SLC35F1: variants seen among roughly 807,000 people sequenced by gnomAD.
SLC35F1 encodes the protein solute carrier family 35 member F1.
SLC35F1 carries 14 observed loss-of-function variants against 48.7 expected under a neutral mutation model. The observed-to-expected ratio is 0.29, with a 90% CI of 0.19 to 0.45. SLC35F1 has a LOEUF of 0.45. Ranked by LOEUF, SLC35F1 falls within the 20% of genes least tolerant of loss-of-function variation. SLC35F1 has a pLI of 1.00. For missense variants in SLC35F1, 404 were observed against 500.0 expected (o/e 0.81, Z 1.83); for synonymous variants, 190 against 202.2 (o/e 0.94, Z 0.51).
intron 1 of SLC35F1, among the ~76,000 whole-genome samples, chr6:118,117,936 T>G (rs1773495973): frequency 6.6e-6 from 1 of 152,212 alleles, no homozygotes; most frequent in African/African-American, 2.4e-5. Flanking sequence ...TGCTGAGTAG[T>G]GTTTCATGAT....
intron 3 of SLC35F1, among the ~76,000 whole-genome samples, chr6:118,245,981 A>G (rs954280930): frequency 1.3e-5 from 2 of 152,136 alleles, no homozygotes; most frequent in Admixed American, 1.3e-4. Flanking sequence ...CAATCAGTGG[A>G]TGAGAGGGAG....
intron 2 of SLC35F1, among the ~76,000 whole-genome samples, chr6:118,204,019 G>T (rs948386407): frequency 6.6e-6 from 1 of 151,696 alleles, no homozygotes; most frequent in African/African-American, 2.4e-5. Context: ...AATAAACTAG[G>T]AGGTAATATA....
intron 1 of SLC35F1, among the ~76,000 whole-genome samples, chr6:117,910,091 A>G (rs1446542146): frequency 6.6e-6 from 1 of 152,272 alleles, no homozygotes; most frequent in East Asian, 1.9e-4. Flanking sequence ...CATTTTTAGT[A>G]AGGAGACTGA....
chr6:117,949,060 G>A (rs564345046), intron 1 of SLC35F1, among the ~76,000 whole-genome samples: 25 of 152,198 alleles, frequency 1.6e-4, no homozygotes, highest in Non-Finnish European at 3.2e-4. Context: ...TGCTTTTTGT[G>A]TATTTACCCA....
At chr6:117,943,476 A>C (rs1776257897) in intron 1 of SLC35F1, among the ~76,000 whole-genome samples, 1 of 152,220 alleles carries the variant, frequency 6.6e-6, no homozygotes, top group African/African-American at 2.4e-5. Flanking sequence ...GAAATTGAAC[A>C]GTTGTTTTAA....
chr6:118,257,407 C>G (rs1002909574), intron 3 of SLC35F1, among the ~76,000 whole-genome samples: 2 of 152,130 alleles, frequency 1.3e-5, no homozygotes, highest in African/African-American at 4.8e-5. Context: ...ACCATTTCCC[C>G]CAGGATATCT....
At chr6:117,993,645 T>C (rs1459718391) in intron 1 of SLC35F1, among the ~76,000 whole-genome samples, 1 of 152,176 alleles carries the variant, frequency 6.6e-6, no homozygotes, top group Non-Finnish European at 1.5e-5. Flanking sequence ...TTCATAGTTA[T>C]AGCATAATTT....
At chr6:118,215,047 C>G (rs905406591) in intron 2 of SLC35F1, among the ~76,000 whole-genome samples, 1 of 152,158 alleles carries the variant, frequency 6.6e-6, no homozygotes, top group African/African-American at 2.4e-5. Context: ...ACTCTTCTCC[C>G]TGGTATCAGG....
chr6:118,274,889 T>C (rs1392738520), intron 4 of SLC35F1, among the ~76,000 whole-genome samples: 1 of 152,210 alleles, frequency 6.6e-6, no homozygotes, highest in Non-Finnish European at 1.5e-5. Flanking sequence ...ACGGCTTCTG[T>C]TATAGCTTCC....
At chr6:118,183,010 C>A (rs190030378) in intron 2 of SLC35F1, among the ~76,000 whole-genome samples, 15 of 152,220 alleles carry the variant, frequency 9.9e-5, no homozygotes, top group Non-Finnish European at 1.8e-4. Flanking sequence ...GAAATGTGCA[C>A]CCTAGAAGGA....
intron 4 of SLC35F1, 46 bp downstream of exon 4, chr6:118,267,200 G>T (rs372211749): frequency 2.7e-5 from 44 of 1,604,816 alleles, no homozygotes; most frequent in Non-Finnish European, 3.6e-5. Context: ...TGCGGGTGAG[G>T]CCAAGGCAAG....
intron 1 of SLC35F1, among the ~76,000 whole-genome samples, chr6:118,083,998 C>T (rs1445689523): frequency 2.0e-5 from 3 of 152,160 alleles, no homozygotes; most frequent in African/African-American, 7.2e-5. Context: ...ATTGTAAGCC[C>T]TTTACATGTG....
intron 2 of SLC35F1, among the ~76,000 whole-genome samples, chr6:118,215,363 A>G (rs1775057817): frequency 6.6e-6 from 1 of 152,192 alleles, no homozygotes; most frequent in Non-Finnish European, 1.5e-5. Context: ...TATTTTTGAA[A>G]CTTTTCAAAA....
At chr6:118,006,205 A>G (rs960446352) in intron 1 of SLC35F1, among the ~76,000 whole-genome samples, 1 of 152,136 alleles carries the variant, frequency 6.6e-6, no homozygotes, top group African/African-American at 2.4e-5. Flanking sequence ...AGTAAAATAG[A>G]TCCTCAAAAA....
At chr6:118,259,904 T>G (rs977026675) in intron 3 of SLC35F1, among the ~76,000 whole-genome samples, 3 of 152,074 alleles carry the variant, frequency 2.0e-5, no homozygotes, top group Admixed American at 1.3e-4. Context: ...CACATGTTCC[T>G]CATAAAAGCT....
At position 118,013,842 on chromosome 6, in the gene SLC35F1, CT is replaced by C. The variant is rs375520040; in HGVS notation, c.173+105950del. On this transcript the variant is annotated intron_variant, in intron 1 of 7. Coordinates refer to ENST00000360388, the MANE Select transcript of SLC35F1 (RefSeq NM_001029858.4). ...CAAAGTGAAATTAATTGACATCATG[CT>C]TTTTTTCCCCCACTTACATAGAGAA... Among the ~76,000 whole-genome samples, 60 of 152,200 alleles carry C rather than the reference CT, an allele frequency of 3.9e-4. No individual in the cohort carries two copies. In the East Asian group the frequency reaches 9.5e-3, roughly 24 times the overall value.
chr6:118,314,197 C>T lies in SLC35F1; in HGVS notation c.1172C>T (p.Thr391Ile). The change falls in exon 8 of 8, where the codon ACC (threonine) becomes ATC (isoleucine). Residue 391 changes from threonine to isoleucine, a missense_variant. Around this residue, in one of 2 missense-constraint regions of SLC35F1, gnomAD observed 306 missense variants for 419.1 expected, o/e 0.73. Coordinates refer to ENST00000360388, the MANE Select transcript of SLC35F1 (RefSeq NM_001029858.4). ...PTTAQVEPSVTYTSLGQETEE... is the reference protein window; with the variant it reads ...PTTAQVEPSVIYTSLGQETEE... Reference sequence around the variant, plus strand: ...ACAGCTCAGGTGGAACCCTCAGTCACCTACACCAGCCTGGGCCAGGAGACC... The same window carrying T: ...ACAGCTCAGGTGGAACCCTCAGTCATCTACACCAGCCTGGGCCAGGAGACC... The T allele has an allele frequency of 6.2e-7, 1 of 1,614,214 alleles. No homozygotes were observed. The highest frequency in any genetic ancestry group is 1.6e-4 in the Middle Eastern group (1 of 6,062).
intron 1 of SLC35F1, among the ~76,000 whole-genome samples, chr6:117,986,157 T>C (rs1433304436): frequency 6.6e-6 from 1 of 152,244 alleles, no homozygotes; most frequent in Non-Finnish European, 1.5e-5. Flanking sequence ...CACCAGAGAC[T>C]AAACAGTGTC....
chr6:118,162,441 G>C (rs185435041), intron 2 of SLC35F1, among the ~76,000 whole-genome samples: 1 of 152,112 alleles, frequency 6.6e-6, no homozygotes, highest in African/African-American at 2.4e-5. Flanking sequence ...TGTGTATCTC[G>C]ATTTTTGTAG....
Sources: allele counts gnomAD v4.1 joint callset (sites outside exome capture counted in the v4.1 genomes callset), GRCh38; gene constraint gnomAD v4.1.1; regional missense constraint gnomAD v4.1.1; transcripts MANE v1.5; gene names NCBI Gene and HGNC (gene_info 2026-07-23, HGNC 2026-07-21).